The following LCORL variants were observed in gnomAD, a reference collection of about 807,000 sequenced individuals.
LCORL encodes the protein ligand-dependent nuclear receptor corepressor-like protein.
Under a neutral mutation model 141.8 loss-of-function variants are expected in LCORL, and 41 were observed. The ratio of observed to expected loss-of-function variants is 0.29; its 90% CI spans 0.23 to 0.38. LCORL has a LOEUF of 0.38. Among genes scored for constraint, LCORL ranks in the 10% least tolerant of loss-of-function variants. LCORL has a pLI of 1.00. For synonymous variants in LCORL, 618 were observed against 694.1 expected, an observed-to-expected ratio of 0.89 and a Z score of 1.72; for missense variants, 1,759 against 2,035.0, an observed-to-expected ratio of 0.86 and a Z score of 2.61.
At chr4:17,910,302 C>T (rs1320240521) in intron 4 of LCORL, among the ~76,000 whole-genome samples, 2 of 152,190 alleles carry the variant, frequency 1.3e-5, no homozygotes, top group Non-Finnish European at 2.9e-5. Context: ...TCTGGTTTGG[C>T]TCCATTCCCT....
intron 6 of LCORL, chr4:17,880,737 T>G: frequency 1.0e-6 from 1 of 968,670 alleles, no homozygotes; most frequent in Non-Finnish European, 1.2e-6. Context: ...ACTGAACAAT[T>G]AAAATTCATA....
In LCORL at chr4:18,021,343, A is replaced by G. The variant is rs1357885909; in HGVS notation, c.154+255T>C. ...GAGCGGGCGGCTTCCGCGGGGGCTC[A>G]GCAAGCGGGTCCAAACTAACAGTTC... On this transcript the variant is annotated intron_variant, in intron 1 of 7. Coordinates refer to ENST00000635767, the Ensembl canonical transcript of LCORL. The surrounding 1 kb of genome is among the most constrained non-coding windows in gnomAD (Gnocchi z 5.5). 6.6e-6 allele frequency among the ~76,000 whole-genome samples: 1 copy of G among 152,106 alleles called. No homozygotes were observed. Among genetic ancestry groups the G allele is most frequent in the African/African-American group, 2.4e-5 (1 of 41,434 alleles).
intron 7 of LCORL, among the ~76,000 whole-genome samples, chr4:17,846,797 C>A (rs936126864): frequency 1.3e-5 from 2 of 152,172 alleles, no homozygotes; most frequent in South Asian, 4.1e-4. Context: ...CAAACCTTTA[C>A]CCATGCCTAA....
exon 7 of LCORL, chr4:17,873,534 T>A (rs746437267): frequency 2.7e-5 from 33 of 1,233,982 alleles, no homozygotes; most frequent in Admixed American, 2.5e-4. Context: ...AGGATTCTTG[T>A]CAAAGTTAAC....
intron 5 of LCORL, among the ~76,000 whole-genome samples, chr4:17,908,312 G>A (rs561403322): frequency 2.6e-5 from 4 of 152,160 alleles, no homozygotes; most frequent in East Asian, 1.9e-4. Flanking sequence ...GATTACAGGC[G>A]TGAGCCAGCG....
In LCORL at chr4:18,021,012, G is replaced by A. The variant is rs1261642249; in HGVS notation, c.154+586C>T. On this transcript the variant is annotated intron_variant, in intron 1 of 7. Transcript: ENST00000635767. This position sits in a 1 kb window ranked among gnomAD's most constrained non-coding sequence, Gnocchi z 5.5. ...GTTGGGCGCCCCCCGCCCCTCGGACGACGCCCCCGCCGCCCCTCGCCCCCA... is the reference window on the plus strand; with the variant it reads ...GTTGGGCGCCCCCCGCCCCTCGGACAACGCCCCCGCCGCCCCTCGCCCCCA... Among the ~76,000 whole-genome samples the A allele has an allele frequency of 3.3e-5, 5 of 152,022 alleles. No individual in the cohort carries two copies. The highest frequency in any genetic ancestry group is 2.6e-4 in the Admixed American group (4 of 15,278).
chr4:17,939,240 A>C (rs1483663011), intron 4 of LCORL, among the ~76,000 whole-genome samples: 1 of 152,218 alleles, frequency 6.6e-6, no homozygotes, highest in East Asian at 1.9e-4. Flanking sequence ...ACCATTTCAC[A>C]CCCACTAGAA....
At chr4:17,914,420 A>T (rs1733062512) in intron 4 of LCORL, among the ~76,000 whole-genome samples, 1 of 152,218 alleles carries the variant, frequency 6.6e-6, no homozygotes, top group African/African-American at 2.4e-5. Flanking sequence ...TTAGGATTGA[A>T]TTTACAGCAA....
chr4:17,982,714 C>A (rs1360887055), intron 1 of LCORL, among the ~76,000 whole-genome samples: 1 of 152,100 alleles, frequency 6.6e-6, no homozygotes, highest in Non-Finnish European at 1.5e-5. Flanking sequence ...TCCCATTCTG[C>A]AGGTTGTCTC....
chr4:18,005,252 C>T (rs1195848952), intron 1 of LCORL, among the ~76,000 whole-genome samples: 1 of 152,174 alleles, frequency 6.6e-6, no homozygotes, highest in Non-Finnish European at 1.5e-5. Flanking sequence ...AAATGATCTC[C>T]TTTGACTCCA....
At chr4:17,959,533 A>T (rs1577551515) in intron 4 of LCORL, among the ~76,000 whole-genome samples, 1 of 152,120 alleles carries the variant, frequency 6.6e-6, no homozygotes, top group Non-Finnish European at 1.5e-5. Flanking sequence ...TTTAGTGCTC[A>T]ATCACAACTG....
intron 7 of LCORL, 84 bp downstream of exon 7, chr4:17,873,304 G>C: frequency 1.1e-6 from 1 of 876,622 alleles, no homozygotes; most frequent in Non-Finnish European, 1.5e-6. Flanking sequence ...AATTAAAACT[G>C]CATCAGCTGT....
chr4:18,016,008 T>C (rs1388089028), intron 1 of LCORL, among the ~76,000 whole-genome samples: 3 of 152,024 alleles, frequency 2.0e-5, no homozygotes, highest in Non-Finnish European at 4.4e-5. Context: ...TCTAAAACTA[T>C]AATTCTATGG....
In LCORL at chr4:17,921,600, A is replaced by G. The variant is rs1287283953; in HGVS notation, c.431-12255T>C. 2.6e-5 allele frequency among the ~76,000 whole-genome samples: 4 copies of G among 152,270 alleles called. No homozygotes were observed. In the East Asian group the frequency reaches 7.7e-4, roughly 29 times the overall value. On this transcript the variant is annotated intron_variant, in intron 4 of 7. Coordinates refer to ENST00000635767, the Ensembl canonical transcript of LCORL. ...TAATCAAGTGCATTTTCAGTGAGCT[A>G]TAATATTTTGAAAGGAATTCTTTCT...
rs916260263 is a variant in LCORL at position 17,843,158 on chromosome 4, A to C, written c.*2730T>G. ...AAGTCAGTGTTTTTTTGACATTGAG[A>C]TTTTAGTTTTAAGCTAAGTCAATGG... On this transcript the variant is annotated 3_prime_UTR_variant, in exon 8 of 8. Transcript: ENST00000635767. 6.0e-6 allele frequency: 5 copies of C among 835,940 alleles called. No individual in the cohort carries two copies. In the African/African-American group the frequency reaches 6.9e-5, roughly 11 times the overall value. 51.8% of individuals were successfully genotyped at this position (835,940 alleles called of 1,614,324 possible).
intron 4 of LCORL, among the ~76,000 whole-genome samples, chr4:17,961,598 T>C (rs1195829208): frequency 6.6e-6 from 1 of 151,898 alleles, no homozygotes; most frequent in African/African-American, 2.4e-5. Context: ...AAGACAGCAA[T>C]ACAATAAGGA....
chr4:17,969,009 A>G (rs1299965808), intron 2 of LCORL, among the ~76,000 whole-genome samples: 1 of 152,228 alleles, frequency 6.6e-6, no homozygotes, highest in Non-Finnish European at 1.5e-5. Flanking sequence ...CATACAATCT[A>G]TTCATATTTT....
intron 1 of LCORL, among the ~76,000 whole-genome samples, chr4:17,990,161 C>G (rs941695735): frequency 6.8e-6 from 1 of 147,592 alleles, no homozygotes; most frequent in Non-Finnish European, 1.5e-5. Flanking sequence ...TGCAGTGGCA[C>G]GATCTCGGCT....
intron 6 of LCORL, among the ~76,000 whole-genome samples, chr4:17,879,609 C>T (rs568961102): frequency 2.0e-5 from 3 of 151,052 alleles, no homozygotes; most frequent in South Asian, 2.1e-4. Context: ...ATGCAACTGA[C>T]TCCCAGGATT....
Sources: allele counts gnomAD v4.1 joint callset (sites outside exome capture counted in the v4.1 genomes callset), GRCh38; gene constraint gnomAD v4.1.1; non-coding constraint Gnocchi (gnomAD v3.1); transcripts MANE v1.5; gene names NCBI Gene and HGNC (gene_info 2026-07-23, HGNC 2026-07-21).